MTMR14: variants seen among roughly 807,000 people sequenced by gnomAD.
The protein encoded by MTMR14 is myotubularin related protein 14.
In MTMR14, 48 loss-of-function variants were observed where a neutral mutation model predicts 86.3. That is an observed-to-expected ratio of 0.56 (90% CI 0.44 to 0.71). The LOEUF (loss-of-function observed/expected upper bound fraction) is 0.71, where lower values mean the gene tolerates loss of function less well. Ranked by LOEUF, MTMR14 falls within the 30% of genes least tolerant of loss-of-function variation. The pLI, the probability that MTMR14 is intolerant of heterozygous loss-of-function variation, is 0.00. For synonymous variants in MTMR14, 366 were observed against 326.1 expected, an observed-to-expected ratio of 1.12 and a Z score of -1.32; for missense variants, 780 against 834.6, an observed-to-expected ratio of 0.93 and a Z score of 0.81.
At chr3:9,684,697 C>G in intron 11 of MTMR14, 27 bp downstream of exon 11, 6 of 1,612,194 alleles carry the variant, frequency 3.7e-6, no homozygotes, top group Non-Finnish European at 5.1e-6. Flanking sequence ...CCCTACCAAG[C>G]TCTGCTCTTT....
At chr3:9,653,599 T>G (rs761098912) in intron 1 of MTMR14, 22 bp from the exon 2 acceptor site, 1 of 1,614,038 alleles carries the variant, frequency 6.2e-7, no homozygotes, top group Non-Finnish European at 8.5e-7. Context: ...CTCTTTGTGT[T>G]CTGGTCTCCT....
Position 9,671,227 on chromosome 3 carries a change from G to T in MTMR14, c.677+57G>T, listed in dbSNP as rs980084551. ...GAGGCAGTGTGTACAGATTTGCAGG[G>T]CTGGCGTTAGTATGTAGCTGTCACT... is the stretch of plus-strand genomic sequence containing the variant. On this transcript the variant is annotated intron_variant, in intron 6 of 18. Transcript: ENST00000296003. 97 of 1,612,146 alleles carry T rather than the reference G, an allele frequency of 6.0e-5. No homozygotes were observed. The highest frequency in any genetic ancestry group is 8.0e-5 in the Non-Finnish European group (94 of 1,179,046).
chr3:9,673,323 G>A (rs1284507555), intron 7 of MTMR14, among the ~76,000 whole-genome samples: 1 of 152,208 alleles, frequency 6.6e-6, no homozygotes, highest in Non-Finnish European at 1.5e-5. Context: ...AAGCACATTG[G>A]TATCCACAAA....
rs9881531 is a variant in MTMR14 at position 9,695,774 on chromosome 3, G to C, written c.1614-1937G>C. Among the ~76,000 whole-genome samples the C allele has an allele frequency of 6.5e-3, 983 of 152,306 alleles. 9 individuals are homozygous for C. The highest frequency in any genetic ancestry group is 0.023 in the African/African-American group (941 of 41,566). Reference sequence around the variant, plus strand: ...TTTAGCTGTTGTTTTCCCACAAGCTGCTAGAACTGGAAAAGATTCTACCCT... The same window carrying C: ...TTTAGCTGTTGTTTTCCCACAAGCTCCTAGAACTGGAAAAGATTCTACCCT... On this transcript the variant is annotated intron_variant, in intron 17 of 18. Transcript: ENST00000296003.
At chr3:9,698,888 G>C (rs533747271) in intron 18 of MTMR14, among the ~76,000 whole-genome samples, 3 of 152,176 alleles carry the variant, frequency 2.0e-5, no homozygotes, top group East Asian at 1.9e-4. Context: ...AAAATTGCAG[G>C]CCGGGCATGG....
At chr3:9,660,185 C>T (rs1231949000) in intron 2 of MTMR14, among the ~76,000 whole-genome samples, 1 of 151,868 alleles carries the variant, frequency 6.6e-6, no homozygotes. Flanking sequence ...GAGGGGAAGG[C>T]AGCACACTCT....
chr3:9,656,328 G>C (rs757217114), intron 2 of MTMR14, among the ~76,000 whole-genome samples: 2 of 152,162 alleles, frequency 1.3e-5, no homozygotes, highest in Non-Finnish European at 2.9e-5. Context: ...AAGAACTTGG[G>C]ATCGCCAAGC....
chr3:9,662,313 C>G lies in MTMR14; in HGVS notation c.355C>G (p.Arg119Gly). ...QVSKLQDLIHRSKMARCRGRF... is the reference protein window; with the variant it reads ...QVSKLQDLIHGSKMARCRGRF... ...GAGCAAGTTGCAAGACCTCATCCACCGCAGCAAGATGGCCCGGTGCAGAGG... is the reference window on the plus strand; with the variant it reads ...GAGCAAGTTGCAAGACCTCATCCACGGCAGCAAGATGGCCCGGTGCAGAGG... Residue 119 changes from arginine (R) to glycine (G), a missense_variant, in exon 3 of 19, where the codon CGC (arginine) becomes GGC (glycine). By Grantham distance (125) the Arg-to-Gly change is moderately radical. Transcript: ENST00000296003. The G allele has an allele frequency of 6.2e-7, 1 of 1,613,386 alleles. No individual in the cohort carries two copies. Among genetic ancestry groups the G allele is most frequent in the East Asian group, 2.2e-5 (1 of 44,878 alleles).
At chr3:9,689,380 T>C (rs1020571390) in intron 16 of MTMR14, among the ~76,000 whole-genome samples, 6 of 152,084 alleles carry the variant, frequency 3.9e-5, no homozygotes, top group Non-Finnish European at 7.4e-5. Flanking sequence ...CTCCATTTTA[T>C]CATTTGTCGG....
intron 13 of MTMR14, among the ~76,000 whole-genome samples, chr3:9,685,974 G>A (rs138450071): frequency 4.1e-4 from 62 of 152,174 alleles, no homozygotes; most frequent in South Asian, 2.3e-3. Context: ...ATGAGTCCAG[G>A]TGCCCAGCAT....
At chr3:9,670,062 CGCTTTCCAAAT>C (rs2048485736) in intron 5 of MTMR14, among the ~76,000 whole-genome samples, 1 of 152,212 alleles carries the variant, frequency 6.6e-6, no homozygotes. Context: ...TCTTGCTATC[CGCTTTCCAAAT>C]GTTTTTAGAA....
At chr3:9,668,580 C>T in intron 3 of MTMR14, 139 bp from the exon 4 acceptor site, 1 of 789,672 alleles carries the variant, frequency 1.3e-6, no homozygotes, top group Non-Finnish European at 2.2e-6. Flanking sequence ...TTGTGGCAGC[C>T]TTGATGCTGA....
chr3:9,659,722 A>G (rs1239579529), intron 2 of MTMR14: 3 of 455,916 alleles, frequency 6.6e-6, no homozygotes, highest in African/African-American at 2.0e-5. Context: ...GATTACAGGC[A>G]TGAGCCACTG....
intron 2 of MTMR14, among the ~76,000 whole-genome samples, chr3:9,654,726 T>G (rs565211731): frequency 9.8e-5 from 15 of 152,338 alleles, no homozygotes; most frequent in Non-Finnish European, 1.8e-4. Flanking sequence ...CAGTAGCCCC[T>G]TGCTACTCAA....
intron 17 of MTMR14, among the ~76,000 whole-genome samples, chr3:9,695,990 G>C (rs551314874): frequency 3.3e-5 from 5 of 152,256 alleles, no homozygotes; most frequent in Admixed American, 3.3e-4. Flanking sequence ...TCGGGCCCTA[G>C]GGGCTTCCGT....
chr3:9,682,392 G>A (rs1375491062), intron 9 of MTMR14, among the ~76,000 whole-genome samples: 1 of 152,128 alleles, frequency 6.6e-6, no homozygotes, highest in Non-Finnish European at 1.5e-5. Context: ...CCAGAACACT[G>A]CTAAGCAATT....
At position 9,685,195 on chromosome 3, in the gene MTMR14, A is replaced by G. The variant is rs773845101; in HGVS notation, c.1128-16A>G. 1.6e-5 allele frequency: 26 copies of G among 1,613,544 alleles called. No homozygotes were observed. The South Asian group carries it at 2.5e-4, about 16-fold the overall frequency. On this transcript the variant is annotated splice_polypyrimidine_tract_variant and intron_variant, in intron 12 of 18. Transcript: ENST00000296003. ...TTGGTGCTGCTGACTTTGCCTCTCT[A>G]CCCTCCTTTTTTCAGGCACATGTTG...
At chr3:9,671,676 A>G (rs1023448991) in intron 6 of MTMR14, among the ~76,000 whole-genome samples, 1 of 152,168 alleles carries the variant, frequency 6.6e-6, no homozygotes, top group Non-Finnish European at 1.5e-5. Flanking sequence ...AAAATTGAAC[A>G]AAAAAATCAG....
intron 17 of MTMR14, 43 bp from the exon 18 acceptor site, chr3:9,697,668 T>G (rs943973272): frequency 2.5e-6 from 4 of 1,604,058 alleles, no homozygotes; most frequent in Non-Finnish European, 3.4e-6. Context: ...GTCAGGCATA[T>G]GACTGACTGC....
Sources: gnomAD v4.1 joint callset for allele counts (sites outside exome capture counted in the v4.1 genomes callset) on GRCh38, gnomAD v4.1.1 for gene constraint, MANE v1.5 for transcripts, NCBI Gene and HGNC (gene_info 2026-07-23, HGNC 2026-07-21) for gene names.